The following ADGRL3 variants were observed in gnomAD, a reference collection of about 807,000 sequenced individuals.
The protein encoded by ADGRL3 is calcium-independent alpha-latrotoxin receptor 3.
In ADGRL3, 62 loss-of-function variants were observed where a neutral mutation model predicts 153.5. The ratio of observed to expected loss-of-function variants is 0.40; its 90% CI spans 0.33 to 0.50. ADGRL3 has a LOEUF of 0.50. Among genes scored for constraint, ADGRL3 ranks in the 20% least tolerant of loss-of-function variants. The probability of loss-of-function intolerance (pLI) is 0.47; values close to 1 mark genes in which losing one functional copy is unlikely to be tolerated. For missense variants in ADGRL3, 1,641 were observed against 1,859.4 expected (o/e 0.88, Z 2.16); for synonymous variants, 710 against 672.5 (o/e 1.06, Z -0.86).
At chr4:61,756,450 G>A (rs1166163691) in intron 8 of ADGRL3, among the ~76,000 whole-genome samples, 2 of 152,154 alleles carry the variant, frequency 1.3e-5, no homozygotes, top group Admixed American at 6.5e-5. Context: ...GAATGCTTGT[G>A]ATTTTTGCAC....
At chr4:61,443,435 A>T (rs1262848319) in intron 2 of ADGRL3, among the ~76,000 whole-genome samples, 1 of 152,192 alleles carries the variant, frequency 6.6e-6, no homozygotes, top group East Asian at 1.9e-4. Context: ...AAAGTTAAAA[A>T]GTAAATAATG....
intron 9 of ADGRL3, among the ~76,000 whole-genome samples, chr4:61,825,670 C>T (rs1450811035): frequency 6.6e-6 from 1 of 152,050 alleles, no homozygotes; most frequent in Non-Finnish European, 1.5e-5. Context: ...TCCAACTGTC[C>T]TTCAGTATTC....
At chr4:61,626,221 A>G (rs1712319364) in intron 5 of ADGRL3, among the ~76,000 whole-genome samples, 2 of 152,098 alleles carry the variant, frequency 1.3e-5, no homozygotes, top group South Asian at 4.1e-4. Flanking sequence ...TTACATAGTG[A>G]CTTTTGTTTA....
chr4:61,206,603 A>T (rs901822705), intron 1 of ADGRL3, among the ~76,000 whole-genome samples: 1 of 152,184 alleles, frequency 6.6e-6, no homozygotes, highest in African/African-American at 2.4e-5. Context: ...GGCATATGTC[A>T]TATGTTCTTA....
intron 1 of ADGRL3, among the ~76,000 whole-genome samples, chr4:61,236,902 T>G (rs986750431): frequency 1.3e-5 from 2 of 152,180 alleles, no homozygotes; most frequent in African/African-American, 4.8e-5. Flanking sequence ...TCTTCCTACC[T>G]TTTTAGATAA....
chr4:61,681,691 A>G (rs1366611773), intron 6 of ADGRL3, among the ~76,000 whole-genome samples: 1 of 152,098 alleles, frequency 6.6e-6, no homozygotes, highest in African/African-American at 2.4e-5. Context: ...AAAATGTATT[A>G]CACGTTTAGC....
At chr4:61,642,619 A>T (rs1376394994) in intron 5 of ADGRL3, among the ~76,000 whole-genome samples, 1 of 152,074 alleles carries the variant, frequency 6.6e-6, no homozygotes, top group African/African-American at 2.4e-5. Context: ...GTTATTTCTG[A>T]GGGCTCTGTT....
intron 2 of ADGRL3, among the ~76,000 whole-genome samples, chr4:61,454,351 C>T (rs985069474): frequency 4.5e-4 from 69 of 151,710 alleles, no homozygotes; most frequent in African/African-American, 1.6e-3. Flanking sequence ...GTTTTTTATT[C>T]CTACCTTTCA....
At chr4:61,583,290 C>T (rs948364330) in intron 4 of ADGRL3, among the ~76,000 whole-genome samples, 1 of 152,022 alleles carries the variant, frequency 6.6e-6, no homozygotes, top group African/African-American at 2.4e-5. Flanking sequence ...CTCCTGACTT[C>T]CCATCCCTAG....
At chr4:62,044,328 T>A (rs1729961703) in intron 24 of ADGRL3, 125 bp from the exon 25 acceptor site, 1 of 659,128 alleles carries the variant, frequency 1.5e-6, no homozygotes. Context: ...AAACATGTAG[T>A]TGTCTATTTG....
At chr4:61,646,586 T>C (rs11936993) in intron 5 of ADGRL3, among the ~76,000 whole-genome samples, 86,315 of 150,534 alleles carry the variant, frequency 0.57, 27,185 homozygotes, top group Non-Finnish European at 0.73. Context: ...AGTTAGGCTG[T>C]TCGGGGGTCA....
At chr4:61,370,092 C>T (rs1383531258) in intron 1 of ADGRL3, among the ~76,000 whole-genome samples, 3 of 151,992 alleles carry the variant, frequency 2.0e-5, no homozygotes, top group Non-Finnish European at 2.9e-5. Flanking sequence ...TTATCATTTT[C>T]TATTGCGTCT....
intron 6 of ADGRL3, among the ~76,000 whole-genome samples, chr4:61,724,312 A>T (rs1222265481): frequency 2.6e-5 from 4 of 152,236 alleles, no homozygotes; most frequent in Non-Finnish European, 5.9e-5. Context: ...AAAAGAGTCT[A>T]CTAAGAGAGC....
intron 19 of ADGRL3, among the ~76,000 whole-genome samples, chr4:61,987,219 G>A (rs1291291538): frequency 1.3e-5 from 2 of 151,346 alleles, no homozygotes; most frequent in Non-Finnish European, 2.9e-5. Flanking sequence ...AGGCTGGAGT[G>A]CAATGGCACG....
At chr4:61,867,931 AG>A (rs1402796896) in intron 9 of ADGRL3, among the ~76,000 whole-genome samples, 1 of 152,124 alleles carries the variant, frequency 6.6e-6, no homozygotes, top group African/African-American at 2.4e-5. Context: ...TATAAAGAGA[AG>A]GGCTTATAAT....
chr4:61,949,152 C>G (rs1443170031), intron 17 of ADGRL3, among the ~76,000 whole-genome samples: 1 of 151,970 alleles, frequency 6.6e-6, no homozygotes, highest in Non-Finnish European at 1.5e-5. Flanking sequence ...AAGCAAGATA[C>G]TTCATGGCCA....
chr4:61,385,323 GGC>G (rs1230992751), intron 2 of ADGRL3: 1 of 152,166 alleles, frequency 6.6e-6, no homozygotes, highest in Non-Finnish European at 1.5e-5. Context: ...GCTTTTGTAA[GGC>G]AAACATGATA....
intron 2 of ADGRL3, among the ~76,000 whole-genome samples, chr4:61,438,828 T>C (rs941493803): frequency 2.4e-4 from 37 of 151,722 alleles, no homozygotes; most frequent in African/African-American, 8.0e-4. Flanking sequence ...CTGCCTCAGC[T>C]TCCCGAGTAG....
intron 8 of ADGRL3, among the ~76,000 whole-genome samples, chr4:61,777,945 G>A (rs2097172210): frequency 6.6e-6 from 1 of 152,112 alleles, no homozygotes; most frequent in Admixed American, 6.5e-5. Flanking sequence ...AGAGACTTAA[G>A]AAAGAGTTCT....
Sources: allele counts gnomAD v4.1 joint callset (sites outside exome capture counted in the v4.1 genomes callset), GRCh38; gene constraint gnomAD v4.1.1; transcripts MANE v1.5; gene names NCBI Gene and HGNC (gene_info 2026-07-23, HGNC 2026-07-21).